CCDC144A: variants seen among roughly 807,000 people sequenced by gnomAD.
CCDC144A encodes coiled-coil domain containing 144A, also known as coiled-coil domain-containing protein 144A.
Under a neutral mutation model 143.8 loss-of-function variants are expected in CCDC144A, and 41 were observed. The observed-to-expected ratio is 0.29, with a 90% CI of 0.22 to 0.37. The LOEUF is 0.37. Ranked by LOEUF, CCDC144A falls within the 10% of genes least tolerant of loss-of-function variation. The pLI, the probability that CCDC144A is intolerant of heterozygous loss-of-function variation, is 1.00. For synonymous variants in CCDC144A, 242 were observed against 517.9 expected, an observed-to-expected ratio of 0.47 and a Z score of 7.23; for missense variants, 637 against 1,488.8, an observed-to-expected ratio of 0.43 and a Z score of 9.41.
intron 15 of CCDC144A, among the ~76,000 whole-genome samples, chr17:16,769,466 A>G (rs73978631): frequency 0.011 from 1,734 of 152,330 alleles, 18 homozygotes; most frequent in African/African-American, 0.039. Flanking sequence ...GGTAAAGAGA[A>G]ATCTGTTTTG....
intron 6 of CCDC144A, 134 bp from the exon 7 acceptor site, chr17:16,720,064 A>G (rs982286976): frequency 3.3e-6 from 4 of 1,207,028 alleles, no homozygotes; most frequent in Non-Finnish European, 4.4e-6. Context: ...TACCTGTAAA[A>G]AAATTACCTA....
chr17:16,699,456 A>G (rs1256301394), intron 2 of CCDC144A, among the ~76,000 whole-genome samples: 1 of 129,456 alleles, frequency 7.7e-6, no homozygotes. Flanking sequence ...GCTCACTGCA[A>G]GCTCCGCCTC....
intron 9 of CCDC144A, among the ~76,000 whole-genome samples, chr17:16,729,963 C>CAT (rs59756018): frequency 0.11 from 10,736 of 93,812 alleles, 937 homozygotes; most frequent in South Asian, 0.13. Flanking sequence ...TAGGTAGTTT[C>CAT]ATATATATAT....
intron 12 of CCDC144A, among the ~76,000 whole-genome samples, chr17:16,742,470 G>T (rs1245734420): frequency 6.6e-6 from 1 of 152,086 alleles, no homozygotes; most frequent in Non-Finnish European, 1.5e-5. Flanking sequence ...ATCTGTTGAT[G>T]AACATTTAGG....
intron 8 of CCDC144A, among the ~76,000 whole-genome samples, chr17:16,722,127 T>G (rs1480852981): frequency 6.6e-6 from 1 of 152,130 alleles, no homozygotes; most frequent in Non-Finnish European, 1.5e-5. Context: ...CTTTGGTTAC[T>G]GAGAGGGATT....
At chr17:16,711,136 G>GAAAAAAAAAAAAAAAAAAAAAAAAA (rs1210697273) in intron 5 of CCDC144A, among the ~76,000 whole-genome samples, 15 of 21,774 alleles carry the variant, frequency 6.9e-4, no homozygotes, top group Non-Finnish European at 1.0e-3. Flanking sequence ...GGATTCAAAT[G>GAAAAAAAAAAAAAAAAAAAAAAAAA]AAAAAAAAAA....
At chr17:16,738,545 G>C (rs544243003) in intron 12 of CCDC144A, among the ~76,000 whole-genome samples, 1 of 151,340 alleles carries the variant, frequency 6.6e-6, no homozygotes, top group Non-Finnish European at 1.5e-5. Flanking sequence ...ACAATGTGTG[G>C]TGGTCTTTTG....
intron 14 of CCDC144A, among the ~76,000 whole-genome samples, chr17:16,763,346 A>G (rs1182815228): frequency 2.6e-5 from 4 of 151,322 alleles, no homozygotes; most frequent in Non-Finnish European, 5.9e-5. Context: ...CAAATGCTCA[A>G]GTTTTTCCAG....
chr17:16,733,079 T>C (rs1259146192), intron 11 of CCDC144A, among the ~76,000 whole-genome samples: 1 of 151,940 alleles, frequency 6.6e-6, no homozygotes, highest in Non-Finnish European at 1.5e-5. Flanking sequence ...ATGAAATGTA[T>C]AGCCAGTTCA....
At chr17:16,757,720 C>T in intron 12 of CCDC144A, among the ~76,000 whole-genome samples, 1 of 152,258 alleles carries the variant, frequency 6.6e-6, no homozygotes, top group Non-Finnish European at 1.5e-5. Flanking sequence ...CACAGCACTG[C>T]CCCTGAAGGG....
intron 2 of CCDC144A, among the ~76,000 whole-genome samples, chr17:16,698,944 G>A (rs1597532768): frequency 1.3e-5 from 2 of 152,322 alleles, no homozygotes; most frequent in South Asian, 4.1e-4. Flanking sequence ...GTCACATCAG[G>A]AGAAAAGTCA....
chr17:16,670,039 G>A, the CCDC144A span, among the ~76,000 whole-genome samples: 1 of 151,666 alleles, frequency 6.6e-6, no homozygotes, highest in African/African-American at 2.4e-5. Flanking sequence ...AAATTAGCCG[G>A]GCATGATGGT....
At chr17:16,762,248 A>G (rs1915407382) in intron 13 of CCDC144A, 65 bp from the exon 14 acceptor site, 3 of 1,528,696 alleles carry the variant, frequency 2.0e-6, no homozygotes, top group African/African-American at 1.4e-5. Flanking sequence ...ACAAAAGGAA[A>G]CAAATACACA....
At chr17:16,745,837 C>T in intron 12 of CCDC144A, 5 of 1,602,454 alleles carry the variant, frequency 3.1e-6, no homozygotes, top group South Asian at 1.1e-5. Flanking sequence ...TCCATGGCCT[C>T]CCCCGGAGCC....
chr17:16,685,630 G>C (rs1436984739), upstream of CCDC144A, among the ~76,000 whole-genome samples: 2 of 152,118 alleles, frequency 1.3e-5, no homozygotes, highest in Admixed American at 6.5e-5. Flanking sequence ...TGATCCACCT[G>C]CCTCGGCCTC....
chr17:16,679,169 A>G, the CCDC144A span, among the ~76,000 whole-genome samples: 21 of 151,944 alleles, frequency 1.4e-4, no homozygotes, highest in Non-Finnish European at 2.5e-4. Flanking sequence ...GTCTATCACC[A>G]TTGCATCAAT....
the CCDC144A span, chr17:16,667,220 C>CG: frequency 4.8e-6 from 1 of 206,440 alleles, no homozygotes; most frequent in South Asian, 5.6e-5. Flanking sequence ...CTAACGGCGG[C>CG]GGGGGCGGCT....
chr17:16,750,333 C>T (rs1396893970), intron 12 of CCDC144A, among the ~76,000 whole-genome samples: 2 of 151,172 alleles, frequency 1.3e-5, no homozygotes, highest in South Asian at 2.1e-4. Flanking sequence ...TTGTATTTCT[C>T]TGTCACTGAT....
At chr17:16,675,671 A>G in the CCDC144A span, among the ~76,000 whole-genome samples, 1 of 151,688 alleles carries the variant, frequency 6.6e-6, no homozygotes, top group Non-Finnish European at 1.5e-5. Flanking sequence ...TTTACCTTCC[A>G]CTAAGTGATT....
Sources: gnomAD v4.1 joint callset for allele counts (sites outside exome capture counted in the v4.1 genomes callset) on GRCh38, gnomAD v4.1.1 for gene constraint, MANE v1.5 for transcripts, NCBI Gene and HGNC (gene_info 2026-07-23, HGNC 2026-07-21) for gene names.